BHMT2: variants seen among roughly 807,000 people sequenced by gnomAD.
BHMT2 encodes S-methylmethionine--homocysteine S-methyltransferase BHMT2.
Under a neutral mutation model 39.0 loss-of-function variants are expected in BHMT2, and 28 were observed. The observed-to-expected ratio is 0.72, with a 90% CI of 0.53 to 0.98. The LOEUF is 0.98. Among genes scored for constraint, BHMT2 ranks in the 50% least tolerant of loss-of-function variants. BHMT2 has a pLI of 0.00. For missense variants in BHMT2, 410 were observed against 455.6 expected (o/e 0.90, Z 0.91); for synonymous variants, 145 against 160.6 (o/e 0.90, Z 0.74).
At chr5:79,082,979 T>A in intron 5 of BHMT2, 23 bp downstream of exon 5, 1 of 1,613,816 alleles carries the variant, frequency 6.2e-7, no homozygotes, top group Non-Finnish European at 8.5e-7. Flanking sequence ...CATACCGTGA[T>A]ACACAGCTCA....
chr5:79,071,265 G>T (rs1302294754), intron 1 of BHMT2: 2 of 152,180 alleles, frequency 1.3e-5, no homozygotes, highest in African/African-American at 4.8e-5. Flanking sequence ...CTCCAATTAG[G>T]TCTTAAATCC....
chr5:79,087,629 G>A (rs1755926672), intron 7 of BHMT2, among the ~76,000 whole-genome samples: 1 of 152,036 alleles, frequency 6.6e-6, no homozygotes, highest in Non-Finnish European at 1.5e-5. Flanking sequence ...TGTAAGTAAA[G>A]TGGAAAAAAC....
intron 7 of BHMT2, among the ~76,000 whole-genome samples, chr5:79,084,904 A>G (rs1331610925): frequency 6.6e-6 from 1 of 152,150 alleles, no homozygotes; most frequent in African/African-American, 2.4e-5. Flanking sequence ...AGTTAAAATT[A>G]TATATTTAAC....
intron 1 of BHMT2, among the ~76,000 whole-genome samples, chr5:79,072,070 C>A (rs1204742471): frequency 6.6e-6 from 1 of 151,960 alleles, no homozygotes; most frequent in Non-Finnish European, 1.5e-5. Flanking sequence ...AGTTCGAGAC[C>A]ACACTGGACA....
Position 79,089,562 on chromosome 5 carries a change from A to C in BHMT2, c.*988A>C, listed in dbSNP as rs1755982599. 1 of 152,196 alleles carries C rather than the reference A, an allele frequency of 6.6e-6. No homozygotes were observed. Among genetic ancestry groups the C allele is most frequent in the Admixed American group, 6.5e-5 (1 of 15,284 alleles). 9.4% of individuals were successfully genotyped at this position (152,196 alleles called of 1,614,324 possible). A position where few individuals can be genotyped will look rare whatever the true frequency, so the allele number is the denominator to read the frequency against. On this transcript the variant is annotated 3_prime_UTR_variant, in exon 8 of 8. Transcript: ENST00000255192. ...GACAAGATCACGTGATAAGCTTATA[A>C]TCTTCTCATAATTCCCCTTACTTAG... is the stretch of plus-strand genomic sequence containing the variant.
intron 1 of BHMT2, among the ~76,000 whole-genome samples, chr5:79,070,654 G>A (rs948485395): frequency 1.3e-5 from 2 of 152,142 alleles, no homozygotes; most frequent in Admixed American, 6.5e-5. Context: ...GTGCACCACC[G>A]AGCTATTTAT....
intron 1 of BHMT2, among the ~76,000 whole-genome samples, chr5:79,076,214 T>A (rs1253041517): frequency 6.6e-6 from 1 of 152,184 alleles, no homozygotes; most frequent in African/African-American, 2.4e-5. Flanking sequence ...CAGACTCTCC[T>A]CTGATTACCC....
rs1404456570 is a variant in BHMT2 at position 79,089,903 on chromosome 5, G to A, written c.*1329G>A. Among the ~76,000 whole-genome samples, 4 of 152,360 alleles carry A rather than the reference G, an allele frequency of 2.6e-5. No individual in the cohort carries two copies. Among genetic ancestry groups the A allele is most frequent in the Non-Finnish European group, 4.4e-5 (3 of 68,042 alleles). ...GAATTGCTTGAACCTGGGAGGCAGA[G>A]GTTGCAGTGAGCTGAGATCGCCCCA... On this transcript the variant is annotated 3_prime_UTR_variant, in exon 8 of 8. Transcript: ENST00000255192.
chr5:79,077,341 G>T, intron 1 of BHMT2, 139 bp from the exon 2 acceptor site: 1 of 1,166,610 alleles, frequency 8.6e-7, no homozygotes, highest in Non-Finnish European at 1.2e-6. Context: ...CAATCTTTCT[G>T]AAATATTATT....
chr5:79,080,729 G>T lies in BHMT2; in HGVS notation c.301G>T (p.Val101Leu). 1 of 1,600,954 alleles carries T rather than the reference G, an allele frequency of 6.2e-7. No homozygotes were observed. Among genetic ancestry groups the T allele is most frequent in the Non-Finnish European group, 8.5e-7 (1 of 1,175,848 alleles). Residue 101 changes from valine (V) to leucine (L), a missense_variant, in exon 4 of 8, where the codon GTG becomes TTG. Physicochemically the swap from Val to Leu is conservative, Grantham distance 32. Coordinates refer to ENST00000255192, the MANE Select transcript of BHMT2 (RefSeq NM_017614.5). ...NAAACDLARE[V>L]AGKGDALVAG... ...TGCTGCCTGTGACCTCGCCAGGGAAGTGGCTGGCAAAGGTGATGCTTTGGT... is the reference window on the plus strand; with the variant it reads ...TGCTGCCTGTGACCTCGCCAGGGAATTGGCTGGCAAAGGTGATGCTTTGGT...
Position 79,083,319 on chromosome 5 carries a change from C to T in BHMT2, c.726C>T (p.Phe242=). 1 of 1,611,858 alleles carries T rather than the reference C, an allele frequency of 6.2e-7. No individual in the cohort carries two copies. Among genetic ancestry groups the T allele is most frequent in the Non-Finnish European group, 8.5e-7 (1 of 1,178,528 alleles). ...KAHLMVQPLG[F]HAPDCGKEGF... The stretch of plus-strand genomic sequence containing the variant: ...ACCTCATGGTGCAGCCTCTGGGGTT[C>T]CACGCGCCTGACTGTGGCAAAGAGG... Residue 242 remains phenylalanine (F), a synonymous_variant, in exon 6 of 8, where the codon TTC becomes TTT. Transcript: ENST00000255192.
chr5:79,078,462 G>A (rs1331220523), intron 2 of BHMT2, among the ~76,000 whole-genome samples: 1 of 152,212 alleles, frequency 6.6e-6, no homozygotes, highest in Non-Finnish European at 1.5e-5. Flanking sequence ...GATTCACTCT[G>A]ATTTTATGTA....
At chr5:79,082,589 C>G in intron 4 of BHMT2, 1 of 400,226 alleles carries the variant, frequency 2.5e-6, no homozygotes, top group Non-Finnish European at 4.4e-6. Flanking sequence ...ATCAATGAAC[C>G]CTGAATGAAA....
At chr5:79,082,286 C>T (rs1416781133) in intron 4 of BHMT2, 1 of 153,156 alleles carries the variant, frequency 6.5e-6, no homozygotes, top group Admixed American at 6.5e-5. Context: ...GCTATTTCTC[C>T]TATGCTGTGC....
chr5:79,073,488 C>T (rs1483436306), intron 1 of BHMT2, among the ~76,000 whole-genome samples: 1 of 152,160 alleles, frequency 6.6e-6, no homozygotes, highest in Non-Finnish European at 1.5e-5. Flanking sequence ...ATGTTTATCC[C>T]ACTTGCCCAC....
chr5:79,079,786 C>T (rs866640484), intron 3 of BHMT2, among the ~76,000 whole-genome samples: 2 of 152,106 alleles, frequency 1.3e-5, no homozygotes, highest in Non-Finnish European at 2.9e-5. Context: ...ATCCCAGCTA[C>T]GCAGGAGGTT....
At chr5:79,077,759 C>A in intron 2 of BHMT2, 147 bp downstream of exon 2, 1 of 948,224 alleles carries the variant, frequency 1.1e-6, no homozygotes, top group Non-Finnish European at 1.5e-6. Context: ...TGGCAGTATA[C>A]AGGCGGAAGT....
At chr5:79,085,926 A>T (rs1755884317) in intron 7 of BHMT2, among the ~76,000 whole-genome samples, 1 of 152,146 alleles carries the variant, frequency 6.6e-6, no homozygotes, top group Admixed American at 6.5e-5. Context: ...GTAAGAAGAA[A>T]GAGGATGGAT....
intron 2 of BHMT2, among the ~76,000 whole-genome samples, chr5:79,078,553 C>G (rs1755722080): frequency 6.6e-6 from 1 of 152,212 alleles, no homozygotes; most frequent in African/African-American, 2.4e-5. Flanking sequence ...GGACAAGTCA[C>G]TTGACCTCTC....
Sources: gnomAD v4.1 joint callset for allele counts (sites outside exome capture counted in the v4.1 genomes callset) on GRCh38, gnomAD v4.1.1 for gene constraint, MANE v1.5 for transcripts, NCBI Gene and HGNC (gene_info 2026-07-23, HGNC 2026-07-21) for gene names.